FBN1: variants seen among roughly 807,000 people sequenced by gnomAD.
The protein encoded by FBN1 is fibrillin-1.
FBN1 carries 29 observed loss-of-function variants against 365.1 expected under a neutral mutation model. That is an observed-to-expected ratio of 0.08 (90% CI 0.06 to 0.11). The LOEUF (loss-of-function observed/expected upper bound fraction) is 0.11, where lower values mean the gene tolerates loss of function less well. Ranked by LOEUF, FBN1 falls within the 10% of genes least tolerant of loss-of-function variation. FBN1 has a pLI of 1.00. For missense variants in FBN1, 2,476 were observed against 3,703.2 expected (o/e 0.67, Z 8.60); for synonymous variants, 1,210 against 1,270.5 (o/e 0.95, Z 1.01).
chr15:48,619,701 A>ATT (rs953928387), intron 2 of FBN1, among the ~76,000 whole-genome samples: 26 of 146,912 alleles, frequency 1.8e-4, no homozygotes, highest in African/African-American at 6.5e-4. Context: ...CTGTTCAACA[A>ATT]TTTTTTTTTT....
intron 6 of FBN1, among the ~76,000 whole-genome samples, chr15:48,581,526 T>G (rs1158759588): frequency 6.6e-6 from 1 of 152,166 alleles, no homozygotes; most frequent in Non-Finnish European, 1.5e-5. Context: ...CAGCTCAATT[T>G]CAGCTAAGCC....
intron 64 of FBN1, among the ~76,000 whole-genome samples, chr15:48,414,256 T>C (rs73390287): frequency 0.027 from 4,145 of 152,296 alleles, 92 homozygotes; most frequent in East Asian, 0.078. Flanking sequence ...AATTTGTGTC[T>C]GATTGCTGGC....
At chr15:48,636,340 G>C (rs1027805332) in intron 2 of FBN1, among the ~76,000 whole-genome samples, 2 of 152,178 alleles carry the variant, frequency 1.3e-5, no homozygotes, top group Non-Finnish European at 2.9e-5. Context: ...AAGGAAGCCA[G>C]GCAATGTCGA....
intron 36 of FBN1, among the ~76,000 whole-genome samples, chr15:48,469,439 T>G (rs1212685394): frequency 6.6e-6 from 1 of 152,136 alleles, no homozygotes; most frequent in Non-Finnish European, 1.5e-5. Context: ...TTTCAGTTTC[T>G]ATTCCAAAAA....
intron 53 of FBN1, 82 bp downstream of exon 53, chr15:48,436,879 T>C: frequency 1.1e-6 from 1 of 870,128 alleles, no homozygotes; most frequent in Non-Finnish European, 2.0e-6. Flanking sequence ...TCTTGGTACC[T>C]ATATTCATGG....
chr15:48,572,822 T>C (rs1242513852), intron 6 of FBN1, among the ~76,000 whole-genome samples: 1 of 152,198 alleles, frequency 6.6e-6, no homozygotes, highest in Non-Finnish European at 1.5e-5. Context: ...TTAAAATTCA[T>C]GAAATGTTGA....
chr15:48,526,568 T>C (rs192013031), intron 8 of FBN1, among the ~76,000 whole-genome samples: 10 of 152,358 alleles, frequency 6.6e-5, no homozygotes, highest in Non-Finnish European at 1.2e-4. Context: ...TCATTTATTT[T>C]AAAATTTTGT....
intron 4 of FBN1, among the ~76,000 whole-genome samples, chr15:48,604,164 C>T (rs1337724369): frequency 1.3e-5 from 2 of 148,362 alleles, no homozygotes; most frequent in Admixed American, 6.6e-5. Context: ...AGGGCTGGCA[C>T]CTGGATCTCA....
At chr15:48,578,556 ACTTCTAGTT>A (rs2044366516) in intron 6 of FBN1, among the ~76,000 whole-genome samples, 1 of 152,042 alleles carries the variant, frequency 6.6e-6, no homozygotes, top group Non-Finnish European at 1.5e-5. Flanking sequence ...GTCAAATGGT[ACTTCTAGTT>A]CTAGATCCCT....
At chr15:48,425,276 G>A in intron 60 of FBN1, 93 bp downstream of exon 60, 2 of 1,559,312 alleles carry the variant, frequency 1.3e-6, no homozygotes, top group Non-Finnish European at 1.8e-6. Flanking sequence ...CTGTAGAGCA[G>A]GTCTTTCGGC....
In FBN1 at chr15:48,542,662, C is replaced by T. The variant is rs1053821488; in HGVS notation, c.539-4854G>A. Among the ~76,000 whole-genome samples, 5 of 152,196 alleles carry T rather than the reference C, an allele frequency of 3.3e-5. No homozygotes were observed. In the South Asian group the frequency reaches 6.2e-4, roughly 19 times the overall value. On this transcript the variant is annotated intron_variant, in intron 6 of 65. Coordinates refer to ENST00000316623, the MANE Select transcript of FBN1 (RefSeq NM_000138.5). ...TTGTAAAATGCTGATGCCTGGGTCC[C>T]ACCCTGTCCTCCCCCAGTTTTCCCC... is the stretch of plus-strand genomic sequence containing the variant.
chr15:48,439,915 GC>G (rs2043100023), intron 50 of FBN1, among the ~76,000 whole-genome samples: 1 of 152,080 alleles, frequency 6.6e-6, no homozygotes, highest in Non-Finnish European at 1.5e-5. Context: ...CATGGCATTC[GC>G]TTTTTAAAAA....
At chr15:48,539,323 T>C (rs1277411011) in intron 6 of FBN1, among the ~76,000 whole-genome samples, 1 of 151,936 alleles carries the variant, frequency 6.6e-6, no homozygotes, top group African/African-American at 2.4e-5. Context: ...AAAACAAAAC[T>C]CCATGCCAGT....
At chr15:48,596,502 G>T in intron 5 of FBN1, 124 bp from the exon 6 acceptor site, 1 of 872,736 alleles carries the variant, frequency 1.1e-6, no homozygotes, top group Non-Finnish European at 1.9e-6. Flanking sequence ...TGTTTTGGAC[G>T]GTCACTCTAC....
chr15:48,415,781 A>G lies in FBN1; in HGVS notation c.7820-14T>C. 1.2e-6 allele frequency: 2 copies of G among 1,603,104 alleles called. No homozygotes were observed. The highest frequency in any genetic ancestry group is 1.7e-6 in the Non-Finnish European group (2 of 1,170,092). On this transcript the variant is annotated splice_polypyrimidine_tract_variant and intron_variant, in intron 63 of 65. Transcript: ENST00000316623. ...ATTCGTTTTCATCTGCAGGCAAAAT[A>G]AGAAGCGGCATGTGTGGCAGCAGCC... is the stretch of plus-strand genomic sequence containing the variant.
chr15:48,621,854 C>T (rs1303972145), intron 2 of FBN1, among the ~76,000 whole-genome samples: 4 of 151,426 alleles, frequency 2.6e-5, no homozygotes, highest in Admixed American at 6.6e-5. Flanking sequence ...AAAAATTAGC[C>T]GGGCGTGGTG....
At position 48,488,803 on chromosome 15, in the gene FBN1, T is replaced by C. The variant is rs555221628; in HGVS notation, c.3083-310A>G. 3.4e-3 allele frequency among the ~76,000 whole-genome samples: 518 copies of C among 152,334 alleles called. 2 individuals are homozygous for C. The highest frequency in any genetic ancestry group is 6.8e-3 in the Middle Eastern group (2 of 294). ...CACTACTTGCTGAGTGAATAGATAA[T>C]ATATTCTAAACCACTAGTATCTATA... On this transcript the variant is annotated intron_variant, in intron 25 of 65. Coordinates refer to ENST00000316623, the MANE Select transcript of FBN1 (RefSeq NM_000138.5).
chr15:48,489,783 G>C, intron 25 of FBN1, 68 bp downstream of exon 25: 5 of 1,210,800 alleles, frequency 4.1e-6, no homozygotes, highest in South Asian at 3.6e-5. Flanking sequence ...AGAGTGCTGA[G>C]ATCATGAAAA....
intron 49 of FBN1, 150 bp from the exon 50 acceptor site, chr15:48,441,996 G>T: frequency 2.4e-6 from 2 of 818,504 alleles, no homozygotes; most frequent in Non-Finnish European, 4.1e-6. Flanking sequence ...ACTGTGGACT[G>T]GACTTCTAGG....
Sources: gnomAD v4.1 joint callset for allele counts (sites outside exome capture counted in the v4.1 genomes callset) on GRCh38, gnomAD v4.1.1 for gene constraint, MANE v1.5 for transcripts, NCBI Gene and HGNC (gene_info 2026-07-23, HGNC 2026-07-21) for gene names.